Variants in DCC observed in about 807,000 individuals in gnomAD.
The protein encoded by DCC is DCC netrin 1 receptor.
In DCC, 58 loss-of-function variants were observed where a neutral mutation model predicts 172.5. The ratio of observed to expected loss-of-function variants is 0.34; its 90% CI spans 0.27 to 0.42. The LOEUF is 0.42. Ranked by LOEUF, DCC falls within the 10% of genes least tolerant of loss-of-function variation. DCC has a pLI of 1.00. For synonymous variants in DCC, 709 were observed against 644.5 expected (o/e 1.10, Z -1.52); for missense variants, 1,740 against 1,791.0 (o/e 0.97, Z 0.51).
At chr18:53,326,118 T>A (rs1374318983) in intron 14 of DCC, among the ~76,000 whole-genome samples, 1 of 152,224 alleles carries the variant, frequency 6.6e-6, no homozygotes, top group Admixed American at 6.5e-5. Context: ...TTTTTTCTCA[T>A]TCTCTTATGT....
chr18:53,488,925 G>A (rs190098235), intron 26 of DCC, among the ~76,000 whole-genome samples: 6 of 152,266 alleles, frequency 3.9e-5, no homozygotes, highest in Non-Finnish European at 8.8e-5. Flanking sequence ...TTGGGAGGCT[G>A]AGGCAGGCAG....
intron 2 of DCC, among the ~76,000 whole-genome samples, chr18:52,884,356 G>C (rs2039539198): frequency 6.6e-6 from 1 of 150,702 alleles, no homozygotes; most frequent in South Asian, 2.1e-4. Flanking sequence ...CTATTTTCTA[G>C]ATCTTGTAAG....
chr18:53,373,684 C>G (rs1427848259), intron 15 of DCC, among the ~76,000 whole-genome samples: 2 of 152,104 alleles, frequency 1.3e-5, no homozygotes, highest in African/African-American at 2.4e-5. Flanking sequence ...TCCACCTACT[C>G]AGGTGTTCAT....
At chr18:52,961,738 T>A (rs1224690773) in intron 5 of DCC, among the ~76,000 whole-genome samples, 2 of 152,182 alleles carry the variant, frequency 1.3e-5, no homozygotes, top group Non-Finnish European at 2.9e-5. Flanking sequence ...CAAAACAGCA[T>A]GGTACTGGTA....
At chr18:52,997,024 G>A (rs932471781) in intron 5 of DCC, among the ~76,000 whole-genome samples, 9 of 151,952 alleles carry the variant, frequency 5.9e-5, no homozygotes, top group Non-Finnish European at 1.0e-4. Context: ...ATCCTTACAC[G>A]TTTGTATCCC....
At chr18:52,481,838 CA>C (rs887969502) in intron 1 of DCC, among the ~76,000 whole-genome samples, 30 of 151,796 alleles carry the variant, frequency 2.0e-4, no homozygotes, top group African/African-American at 7.0e-4. Flanking sequence ...AGTAAATTAT[CA>C]AAAAAATCTG....
At chr18:52,497,257 TATCAAAA>T (rs1568198265) in intron 1 of DCC, among the ~76,000 whole-genome samples, 1 of 8,750 alleles carries the variant, frequency 1.1e-4, no homozygotes, top group Non-Finnish European at 2.9e-4. Context: ...TGAGACCCTG[TATCAAAA>T]AAAAAAAAAA....
intron 7 of DCC, among the ~76,000 whole-genome samples, chr18:53,095,981 A>C (rs976506515): frequency 6.6e-6 from 1 of 152,062 alleles, no homozygotes; most frequent in African/African-American, 2.4e-5. Context: ...ACAGTGGCTG[A>C]AGGCTGTAAT....
At chr18:52,669,798 G>A (rs2035519051) in intron 1 of DCC, among the ~76,000 whole-genome samples, 1 of 152,130 alleles carries the variant, frequency 6.6e-6, no homozygotes, top group Non-Finnish European at 1.5e-5. Context: ...CAACAGATAA[G>A]AAATAGCAAT....
intron 5 of DCC, among the ~76,000 whole-genome samples, chr18:53,047,779 T>C (rs896758648): frequency 3.3e-5 from 5 of 151,642 alleles, no homozygotes; most frequent in Non-Finnish European, 7.4e-5. Context: ...CTTTGTGACC[T>C]TGGGCAATGT....
chr18:52,529,791 T>C (rs2032092725), intron 1 of DCC, among the ~76,000 whole-genome samples: 1 of 152,222 alleles, frequency 6.6e-6, no homozygotes, highest in Non-Finnish European at 1.5e-5. Context: ...TGTCTTCTTA[T>C]CCACCTTCTT....
intron 1 of DCC, among the ~76,000 whole-genome samples, chr18:52,708,068 A>G (rs926941512): frequency 3.3e-5 from 5 of 152,218 alleles, no homozygotes; most frequent in Non-Finnish European, 7.3e-5. Context: ...TAGCCATTCC[A>G]TTATGTATAC....
intron 5 of DCC, among the ~76,000 whole-genome samples, chr18:53,023,268 T>A (rs141052618): frequency 0.014 from 2,052 of 151,370 alleles, 15 homozygotes; most frequent in Non-Finnish European, 0.019. Context: ...TGTGACAAGG[T>A]TGACCTTTAG....
intron 2 of DCC, among the ~76,000 whole-genome samples, chr18:52,802,125 C>A (rs1598816992): frequency 1.3e-5 from 2 of 151,604 alleles, no homozygotes; most frequent in South Asian, 4.2e-4. Flanking sequence ...CAATAAGATA[C>A]AGAATGAAAA....
chr18:52,520,020 C>T (rs552136917), intron 1 of DCC, among the ~76,000 whole-genome samples: 1 of 152,250 alleles, frequency 6.6e-6, no homozygotes, highest in African/African-American at 2.4e-5. Flanking sequence ...AAAGAGAAAA[C>T]AGAAAGCAGA....
chr18:52,849,814 G>T (rs2052988032), intron 2 of DCC, among the ~76,000 whole-genome samples: 1 of 152,116 alleles, frequency 6.6e-6, no homozygotes, highest in South Asian at 2.1e-4. Flanking sequence ...ATGAACTTTT[G>T]ATTTCAGTGT....
chr18:53,004,684 T>TTTTGTTTGTTTGTTTG (rs143161043), intron 5 of DCC, among the ~76,000 whole-genome samples: 1 of 151,464 alleles, frequency 6.6e-6, no homozygotes, highest in Non-Finnish European at 1.5e-5. Context: ...CAAGATCTGT[T>TTTTGTTTGTTTGTTTG]TTTGTTTGTT....
At chr18:52,909,448 GCAACTTTCCC>G (rs1363949495) in intron 3 of DCC, among the ~76,000 whole-genome samples, 8 of 152,176 alleles carry the variant, frequency 5.3e-5, no homozygotes, top group African/African-American at 1.9e-4. Flanking sequence ...GAGAAATTTT[GCAACTTTCCC>G]CAACATTAAT....
intron 12 of DCC, among the ~76,000 whole-genome samples, chr18:53,279,146 A>G (rs1172913388): frequency 1.3e-5 from 2 of 152,162 alleles, no homozygotes; most frequent in African/African-American, 4.8e-5. Context: ...TTTGATTTGC[A>G]TTTCTCTGAT....
Sources: allele counts gnomAD v4.1 joint callset (sites outside exome capture counted in the v4.1 genomes callset), GRCh38; gene constraint gnomAD v4.1.1; transcripts MANE v1.5; gene names NCBI Gene and HGNC (gene_info 2026-07-23, HGNC 2026-07-21).